Variants in RPS19 observed in about 807,000 individuals in gnomAD.
The protein encoded by RPS19 is ribosomal protein S19.
Under a neutral mutation model 20.3 loss-of-function variants are expected in RPS19, and 1 was observed. The observed-to-expected ratio is 0.05, with a 90% CI of 0.02 to 0.23. RPS19 has a LOEUF of 0.23. Ranked by LOEUF, RPS19 falls within the 10% of genes least tolerant of loss-of-function variation. RPS19 has a pLI of 1.00. For synonymous variants in RPS19, 87 were observed against 74.8 expected (o/e 1.16, Z -0.84); for missense variants, 111 against 192.7 (o/e 0.58, Z 2.51).
chr19:41,861,024 CAT>C (rs2074025032), intron 2 of RPS19, 86 bp from the exon 3 acceptor site: 5 of 1,149,046 alleles, frequency 4.4e-6, no homozygotes, highest in Non-Finnish European at 6.6e-6. Flanking sequence ...CTGGGCACAG[CAT>C]AGTTGTGTTG....
intron 3 of RPS19, among the ~76,000 whole-genome samples, chr19:41,867,872 G>GT (rs1218642373): frequency 6.6e-6 from 1 of 152,160 alleles, no homozygotes; most frequent in Non-Finnish European, 1.5e-5. Flanking sequence ...TTGAATTGTA[G>GT]TTTTTTTCCC....
rs782250125 is a variant in RPS19 at position 41,869,771 on chromosome 19, G to A, written c.411+18G>A. On this transcript the variant is annotated intron_variant, in intron 5 of 5. Coordinates refer to ENST00000598742, the MANE Select transcript of RPS19 (RefSeq NM_001022.4). Reference sequence around the variant, plus strand: ...CCGGACAGGTAAGGCCTGCGTTTGGGGTGGGGCTGGGTCCCTTAGTCGCTG... The same window carrying A: ...CCGGACAGGTAAGGCCTGCGTTTGGAGTGGGGCTGGGTCCCTTAGTCGCTG... 1 of 1,613,282 alleles carries A rather than the reference G, an allele frequency of 6.2e-7. No individual in the cohort carries two copies. The highest frequency in any genetic ancestry group is 1.1e-5 in the South Asian group (1 of 91,062).
intron 3 of RPS19, among the ~76,000 whole-genome samples, chr19:41,866,688 C>T (rs2074093622): frequency 6.6e-6 from 1 of 152,162 alleles, no homozygotes; most frequent in African/African-American, 2.4e-5. Context: ...TACCCAAGTC[C>T]ACAGATGCTC....
At chr19:41,867,783 T>C (rs2074105601) in intron 3 of RPS19, among the ~76,000 whole-genome samples, 1 of 152,196 alleles carries the variant, frequency 6.6e-6, no homozygotes, top group Admixed American at 6.5e-5. Flanking sequence ...CCAGCCTGGG[T>C]GACAGAATGA....
In RPS19 at chr19:41,869,729, A is replaced by G. The variant is rs782546942; in HGVS notation, c.387A>G (p.Arg129=). ...GGRKLTPQGQ[R]DLDRIAGQVA... ...GCAAACTGACACCTCAGGGACAAAGAGATCTGGACAGAATCGCCGGACAGG... is the reference window on the plus strand; with the variant it reads ...GCAAACTGACACCTCAGGGACAAAGGGATCTGGACAGAATCGCCGGACAGG... Residue 129 remains arginine, a synonymous_variant, in exon 5 of 6, where the codon AGA becomes AGG. Transcript: ENST00000598742. 1.5e-5 allele frequency: 25 copies of G among 1,614,026 alleles called. No homozygotes were observed. In the African/African-American group the frequency reaches 2.0e-4, roughly 13 times the overall value.
At chr19:41,865,168 AC>A (rs1363449013) in intron 3 of RPS19, among the ~76,000 whole-genome samples, 1 of 152,104 alleles carries the variant, frequency 6.6e-6, no homozygotes, top group African/African-American at 2.4e-5. Context: ...AGAGTTTGAG[AC>A]CATCCTGACC....
At chr19:41,871,318 G>T (rs781885584) in intron 5 of RPS19, 33 bp from the exon 6 acceptor site, 3 of 1,612,432 alleles carry the variant, frequency 1.9e-6, no homozygotes, top group South Asian at 2.2e-5. Context: ...AGACCCCCTT[G>T]ACTAACTTTT....
chr19:41,860,958 G>A, intron 2 of RPS19, 113 bp downstream of exon 2: 1 of 1,150,380 alleles, frequency 8.7e-7, no homozygotes, highest in Non-Finnish European at 1.3e-6. Context: ...GGGCCTCCGT[G>A]GCTCCTTTCA....
chr19:41,871,875 A>G lies in RPS19; in HGVS notation c.*498A>G, dbSNP rs547653753. 1.6e-5 allele frequency: 3 copies of G among 187,776 alleles called. No homozygotes were observed. The South Asian group carries it at 2.9e-4, about 18-fold the overall frequency. 11.6% of individuals were successfully genotyped at this position (187,776 alleles called of 1,614,324 possible). ...AGGTGGCTTCCGCTGGAGTAAAGCA[A>G]GAGGGCCCAGGGTTCATGCTCTTCC... On this transcript the variant is annotated 3_prime_UTR_variant, in exon 6 of 6. Coordinates refer to ENST00000598742, the MANE Select transcript of RPS19 (RefSeq NM_001022.4).
intron 3 of RPS19, chr19:41,861,421 T>TGTG (rs1324657459): frequency 1.7e-6 from 1 of 589,764 alleles, no homozygotes; most frequent in Non-Finnish European, 3.1e-6. Context: ...GAGGAGGACC[T>TGTG]GTGGCTTTGA....
intron 4 of RPS19, among the ~76,000 whole-genome samples, 166 bp downstream of exon 4, chr19:41,869,380 G>A (rs529105414): frequency 2.6e-5 from 4 of 152,254 alleles, no homozygotes; most frequent in South Asian, 2.1e-4. Flanking sequence ...GCCTCACCCC[G>A]ACCTCTCTGG....
chr19:41,865,949 TAAA>T (rs35155067), intron 3 of RPS19, among the ~76,000 whole-genome samples: 4 of 74,520 alleles, frequency 5.4e-5, no homozygotes, highest in South Asian at 6.1e-4. Flanking sequence ...ACTCCGTCTT[TAAA>T]AAAAAAAAAA....
chr19:41,871,828 C>G lies in RPS19; in HGVS notation c.*451C>G. The G allele has an allele frequency of 4.9e-6, 1 of 204,878 alleles. No homozygotes were observed. Among genetic ancestry groups the G allele is most frequent in the South Asian group, 7.2e-5 (1 of 13,844 alleles). 12.7% of individuals were successfully genotyped at this position (204,878 alleles called of 1,614,324 possible). A position where few individuals can be genotyped will look rare whatever the true frequency, so the allele number is the denominator to read the frequency against. On this transcript the variant is annotated 3_prime_UTR_variant, in exon 6 of 6. Coordinates refer to ENST00000598742, the MANE Select transcript of RPS19 (RefSeq NM_001022.4). ...CGAAAGGATGGCTGTGAGCTGTGAC[C>G]TCAGCTGGGCCTGGGCTGCAGAGGT...
In RPS19 at chr19:41,871,665, TTGGG is replaced by T. The variant is rs1380742830; in HGVS notation, c.*292_*295del. 2.3e-6 allele frequency: 1 copy of T among 428,026 alleles called. No homozygotes were observed. The highest frequency in any genetic ancestry group is 4.3e-6 in the Non-Finnish European group (1 of 233,190). The allele number at this position is 428,026 out of a possible 1,614,324, so 26.5% of individuals were successfully genotyped here. ...CCTTGGGTGAGGGGGCCCAGGGTGA[TTGGG>T]TGGCTGTTTACCCGGCAGCCAGTCG... On this transcript the variant is annotated 3_prime_UTR_variant, in exon 6 of 6. Coordinates refer to ENST00000598742, the MANE Select transcript of RPS19 (RefSeq NM_001022.4).
At chr19:41,863,050 G>T (rs1286094780) in intron 3 of RPS19, among the ~76,000 whole-genome samples, 1 of 152,162 alleles carries the variant, frequency 6.6e-6, no homozygotes, top group Non-Finnish European at 1.5e-5. Context: ...CAGGGACAGG[G>T]TCTAGGCCTG....
At chr19:41,866,738 C>G (rs782322005) in intron 3 of RPS19, among the ~76,000 whole-genome samples, 4 of 151,966 alleles carry the variant, frequency 2.6e-5, no homozygotes, top group Non-Finnish European at 5.9e-5. Flanking sequence ...GGCCAGGGGC[C>G]GGGTGCGGTG....
At chr19:41,867,210 G>T (rs539276346) in intron 3 of RPS19, among the ~76,000 whole-genome samples, 48 of 151,878 alleles carry the variant, frequency 3.2e-4, no homozygotes, top group Middle Eastern at 6.8e-3. Context: ...GGTCAAAGCT[G>T]CAGTGAGCTG....
chr19:41,865,624 G>C (rs1005851175), intron 3 of RPS19, among the ~76,000 whole-genome samples: 2 of 152,096 alleles, frequency 1.3e-5, no homozygotes, highest in Admixed American at 6.6e-5. Flanking sequence ...GCATCTCTGC[G>C]CTTAGGAGTG....
Position 41,860,639 on chromosome 19 carries a change from G to A in RPS19, c.1-136G>A, listed in dbSNP as rs572775420. ...AGACCCGCAGGAGCCGGAGCCCGGCGTTGAAGGGGCCGTGGGAAGTAACGG... is the reference window on the plus strand; with the variant it reads ...AGACCCGCAGGAGCCGGAGCCCGGCATTGAAGGGGCCGTGGGAAGTAACGG... On this transcript the variant is annotated intron_variant, in intron 1 of 5. Transcript: ENST00000598742. 9.4e-4 allele frequency: 743 copies of A among 793,672 alleles called. 11 individuals carry two copies. The South Asian group carries it at 9.7e-3, about 10-fold the overall frequency. The allele number at this position is 793,672 out of a possible 1,614,324, so 49.2% of individuals were successfully genotyped here.
Sources: gnomAD v4.1 joint callset for allele counts (sites outside exome capture counted in the v4.1 genomes callset) on GRCh38, gnomAD v4.1.1 for gene constraint, MANE v1.5 for transcripts, NCBI Gene and HGNC (gene_info 2026-07-23, HGNC 2026-07-21) for gene names.